Variants in EP300 observed in about 807,000 individuals in gnomAD.
EP300 encodes histone acetyltransferase p300.
EP300 carries 31 observed loss-of-function variants against 264.0 expected under a neutral mutation model. The observed-to-expected ratio is 0.12, with a 90% CI of 0.09 to 0.16. The LOEUF is 0.16. EP300 is among the 10% of genes least tolerant of loss of function. EP300 has a pLI of 1.00. For synonymous variants in EP300, 1,340 were observed against 1,045.4 expected (o/e 1.28, Z -5.44); for missense variants, 2,766 against 3,052.9 (o/e 0.91, Z 2.21).
intron 1 of EP300, among the ~76,000 whole-genome samples, chr22:41,114,484 C>T (rs937560175): frequency 7.9e-5 from 12 of 152,244 alleles, no homozygotes; most frequent in African/African-American, 2.6e-4. Context: ...AGCCTTGTGG[C>T]ACATTTTTGA....
rs537271383 is a variant in EP300 at position 41,098,974 on chromosome 22, C to A, written c.94+5876C>A. ...TATCAGATGCTTAGGACTATGCTTG[C>A]TTCTGTGTAGTATGTGTTCATTGTT... On this transcript the variant is annotated intron_variant, in intron 1 of 30. Coordinates refer to ENST00000263253, the MANE Select transcript of EP300 (RefSeq NM_001429.4). Among the ~76,000 whole-genome samples the A allele has an allele frequency of 4.7e-4, 71 of 152,252 alleles. 1 individual carries two copies. Among genetic ancestry groups the A allele is most frequent in the African/African-American group, 1.7e-3 (70 of 41,564 alleles).
chr22:41,154,307 G>C (rs1210907493), intron 16 of EP300, among the ~76,000 whole-genome samples: 3 of 146,718 alleles, frequency 2.0e-5, no homozygotes, highest in Non-Finnish European at 4.5e-5. Flanking sequence ...AAATACTGAT[G>C]TCATGAAGAA....
intron 1 of EP300, among the ~76,000 whole-genome samples, chr22:41,099,559 G>C (rs1172226972): frequency 6.6e-6 from 1 of 152,150 alleles, no homozygotes; most frequent in East Asian, 1.9e-4. Context: ...AGGTACAACA[G>C]CAAAACTATC....
Position 41,155,068 on chromosome 22 carries a change from C to T in EP300, c.3216C>T (p.Ser1072=), listed in dbSNP as rs764807486. 3.2e-5 allele frequency: 52 copies of T among 1,613,920 alleles called. No homozygotes were observed. Among genetic ancestry groups the T allele is most frequent in the Non-Finnish European group, 4.2e-5 (49 of 1,179,990 alleles). ...LEALYRQDPE[S]LPFRQPVDPQ... ...CACTTTACCGTCAGGATCCAGAATC[C>T]CTTCCCTTTCGTCAACCTGTGGACC... Residue 1072 remains serine, a synonymous_variant, in exon 17 of 31, where the codon TCC becomes TCT. Coordinates refer to ENST00000263253, the MANE Select transcript of EP300 (RefSeq NM_001429.4).
chr22:41,157,484 G>A (rs2145748186), intron 18 of EP300, 76 bp downstream of exon 18: 1 of 910,968 alleles, frequency 1.1e-6, no homozygotes, highest in Non-Finnish European at 1.7e-6. Flanking sequence ...TGGGATAAGA[G>A]AATATCCTGC....
chr22:41,168,537 C>T lies in EP300; in HGVS notation c.3963C>T (p.Val1321=), dbSNP rs199751606. Residue 1321 remains valine, a synonymous_variant, in exon 24 of 31, where the codon GTC becomes GTT. Transcript: ENST00000263253. ...RRQNHPESGE[V]TVRVVHASDK... ...AGAATCACCCTGAGTCAGGAGAGGTCACTGTTAGAGTAGTTCATGCTTCTG... is the reference window on the plus strand; with the variant it reads ...AGAATCACCCTGAGTCAGGAGAGGTTACTGTTAGAGTAGTTCATGCTTCTG... The T allele has an allele frequency of 3.1e-6, 5 of 1,614,188 alleles. No individual in the cohort carries two copies. The highest frequency in any genetic ancestry group is 3.4e-6 in the Non-Finnish European group (4 of 1,180,034).
At chr22:41,099,025 T>C (rs2145674144) in intron 1 of EP300, among the ~76,000 whole-genome samples, 1 of 152,330 alleles carries the variant, frequency 6.6e-6, no homozygotes, top group South Asian at 2.1e-4. Context: ...TACTGCTAAA[T>C]ATATCAGAAG....
At position 41,179,097 on chromosome 22, in the gene EP300, T is replaced by C. The variant is rs1293720236; in HGVS notation, c.*141T>C. The C allele has an allele frequency of 1.6e-5, 15 of 956,420 alleles. No individual in the cohort carries two copies. In the East Asian group the frequency reaches 2.9e-4, roughly 18 times the overall value. The allele number at this position is 956,420 out of a possible 1,614,324, so 59.2% of individuals were successfully genotyped here. On this transcript the variant is annotated 3_prime_UTR_variant, in exon 31 of 31. Coordinates refer to ENST00000263253, the MANE Select transcript of EP300 (RefSeq NM_001429.4). ...ACATAAGAACTGTGCAGTAGCCGTT[T>C]GTGGTTTAAAGCAAACATGCAAGAT...
rs1305724298 is a variant in EP300 at position 41,149,085 on chromosome 22, G to T, written c.2289G>T (p.Gln763His). Residue 763 changes from glutamine (Q) to histidine (H), a missense_variant, in exon 13 of 31, where the codon CAG becomes CAT. Physicochemically the swap from Gln to His is conservative, Grantham distance 24 (BLOSUM62 0). Coordinates refer to ENST00000263253, the MANE Select transcript of EP300 (RefSeq NM_001429.4). ...TGCAACAGCCTTCCAACCAGGGCCA[G>T]TTCCTTCCTCAGACTCAGTTCCCAT... ...PRMQQPSNQG[Q>H]FLPQTQFPSQ... 3 of 1,613,378 alleles carry T rather than the reference G, an allele frequency of 1.9e-6. No homozygotes were observed. The African/African-American group carries it at 4.0e-5, about 22-fold the overall frequency.
rs2058961132 is a variant in EP300, at chr22:41,137,905, G to A, written c.1760+115G>A. On this transcript the variant is annotated intron_variant, in intron 8 of 30. Coordinates refer to ENST00000263253, the MANE Select transcript of EP300 (RefSeq NM_001429.4). ...ATTAGCAATTTTTCTGTAGCATGGA[G>A]GTTGATGTTGATACTTCTACTCTTG... is the stretch of plus-strand genomic sequence containing the variant. 6 of 1,399,730 alleles carry A rather than the reference G, an allele frequency of 4.3e-6. No homozygotes were observed. In the East Asian group the frequency reaches 1.2e-4, roughly 28 times the overall value. The allele number at this position is 1,399,730 out of a possible 1,614,324, so 86.7% of individuals were successfully genotyped here. A position where few individuals can be genotyped will look rare whatever the true frequency, so the allele number is the denominator to read the frequency against.
intron 19 of EP300, 197 bp from the exon 20 acceptor site, chr22:41,160,445 A>C (rs896167534): frequency 7.2e-6 from 4 of 554,448 alleles, no homozygotes; most frequent in African/African-American, 5.7e-5. Flanking sequence ...AAAAAACAAA[A>C]AAACAAACAA....
intron 10 of EP300, 87 bp downstream of exon 10, chr22:41,141,309 G>GT (rs2058980976): frequency 2.8e-6 from 4 of 1,440,744 alleles, no homozygotes; most frequent in Non-Finnish European, 1.9e-6. Flanking sequence ...GTAAGCTTGT[G>GT]TAACTATTCT....
At chr22:41,096,273 T>C (rs780495542) in intron 1 of EP300, among the ~76,000 whole-genome samples, 1 of 152,192 alleles carries the variant, frequency 6.6e-6, no homozygotes, top group Non-Finnish European at 1.5e-5. Flanking sequence ...GAGCTGTTTC[T>C]GATCATCTTG....
intron 16 of EP300, among the ~76,000 whole-genome samples, chr22:41,154,613 GA>G (rs752369936): frequency 1.3e-5 from 2 of 151,930 alleles, no homozygotes; most frequent in Non-Finnish European, 2.9e-5. Flanking sequence ...ACCTCAAAGT[GA>G]TCTGCCCACC....
Position 41,155,044 on chromosome 22 carries a change from A to G in EP300, c.3192A>G (p.Ala1064=). The change falls in exon 17 of 31, where the codon GCA becomes GCG. Residue 1064 remains alanine (A), a synonymous_variant. Transcript: ENST00000263253. The part of the protein sequence containing the change: ...LRQALMPTLE[A]LYRQDPESLP... ...AGGCACTGATGCCAACTTTGGAGGCACTTTACCGTCAGGATCCAGAATCCC... is the reference window on the plus strand; with the variant it reads ...AGGCACTGATGCCAACTTTGGAGGCGCTTTACCGTCAGGATCCAGAATCCC... 1 of 1,614,108 alleles carries G rather than the reference A, an allele frequency of 6.2e-7. No homozygotes were observed.
chr22:41,122,707 A>G (rs2058859746), intron 2 of EP300, among the ~76,000 whole-genome samples: 1 of 152,064 alleles, frequency 6.6e-6, no homozygotes, highest in African/African-American at 2.4e-5. Flanking sequence ...TGCTGAACCA[A>G]AAAAGATGTC....
intron 27 of EP300, among the ~76,000 whole-genome samples, chr22:41,170,925 A>C (rs908695341): frequency 1.3e-5 from 2 of 148,970 alleles, no homozygotes; most frequent in Non-Finnish European, 3.0e-5. Context: ...GGCCTCCCAA[A>C]GTGCTGGGAT....
At chr22:41,096,049 T>A (rs979591667) in intron 1 of EP300, among the ~76,000 whole-genome samples, 12 of 152,228 alleles carry the variant, frequency 7.9e-5, no homozygotes, top group Non-Finnish European at 1.8e-4. Context: ...CTTCACACCT[T>A]TATGTTCCTG....
chr22:41,142,982 A>G (rs1457226999), intron 10 of EP300, among the ~76,000 whole-genome samples: 1 of 152,172 alleles, frequency 6.6e-6, no homozygotes, highest in Non-Finnish European at 1.5e-5. Context: ...AGTCTGTGAG[A>G]TATTAAATTG....
Sources: allele counts gnomAD v4.1 joint callset (sites outside exome capture counted in the v4.1 genomes callset), GRCh38; gene constraint gnomAD v4.1.1; transcripts MANE v1.5; gene names NCBI Gene and HGNC (gene_info 2026-07-23, HGNC 2026-07-21).